The following B3GNT5 variants were observed in gnomAD, a reference collection of about 807,000 sequenced individuals.
The protein encoded by B3GNT5 is UDP-GlcNAc:betaGal beta-1,3-N-acetylglucosaminyltransferase 5, also known as lactosylceramide 1,3-N-acetyl-beta-D-glucosaminyltransferase.
In B3GNT5, 11 loss-of-function variants were observed where a neutral mutation model predicts 25.9. The observed-to-expected ratio is 0.42, with a 90% CI of 0.27 to 0.70. The LOEUF (loss-of-function observed/expected upper bound fraction) is 0.70. B3GNT5 is among the 30% of genes least tolerant of loss of function. The probability of loss-of-function intolerance (pLI) is 0.23; values close to 1 mark genes in which losing one functional copy is unlikely to be tolerated. For missense variants in B3GNT5, 385 were observed against 458.4 expected, an observed-to-expected ratio of 0.84 and a Z score of 1.46; for synonymous variants, 166 against 158.6, an observed-to-expected ratio of 1.05 and a Z score of -0.35.
chr3:183,272,604 TCAAA>T lies in B3GNT5; in HGVS notation c.*1672_*1675del. On this transcript the variant is annotated 3_prime_UTR_variant, in exon 2 of 2. Transcript: ENST00000326505. ...TTTAACTAATGTCAAAACTACAGTG[TCAAA>T]CATTCTAGGTTGTAGTTACTTTCAG... is the stretch of plus-strand genomic sequence containing the variant. 1 of 998,026 alleles carries T rather than the reference TCAAA, an allele frequency of 1.0e-6. No individual in the cohort carries two copies. The highest frequency in any genetic ancestry group is 1.2e-6 in the Non-Finnish European group (1 of 827,920). The allele number at this position is 998,026 out of a possible 1,614,324, so 61.8% of individuals were successfully genotyped here.
chr3:183,257,506 C>T (rs1047282964), intron 1 of B3GNT5, among the ~76,000 whole-genome samples: 1 of 152,042 alleles, frequency 6.6e-6, no homozygotes, highest in Non-Finnish European at 1.5e-5. Flanking sequence ...TCAGGGCTGC[C>T]CGCTGTAATG....
At position 183,272,232 on chromosome 3, in the gene B3GNT5, A is replaced by G. The variant is rs773832971; in HGVS notation, c.*1297A>G. On this transcript the variant is annotated 3_prime_UTR_variant, in exon 2 of 2. Transcript: ENST00000326505. ...ATTTATTTTACAAAGCAGGATAAAA[A>G]TGTGGCTATAATACACACTACCTCC... 4.3e-5 allele frequency: 43 copies of G among 1,000,108 alleles called. No homozygotes were observed. The highest frequency in any genetic ancestry group is 5.1e-5 in the Non-Finnish European group (42 of 829,958). 62.0% of individuals were successfully genotyped at this position (1,000,108 alleles called of 1,614,324 possible).
At chr3:183,259,301 G>C (rs1348624268) in intron 1 of B3GNT5, among the ~76,000 whole-genome samples, 7 of 152,212 alleles carry the variant, frequency 4.6e-5, no homozygotes, top group African/African-American at 1.4e-4. Context: ...AGGAGTCCTA[G>C]TGGGGTGGCA....
intron 1 of B3GNT5, among the ~76,000 whole-genome samples, chr3:183,260,157 A>G (rs1423676247): frequency 6.6e-6 from 1 of 152,042 alleles, no homozygotes; most frequent in Non-Finnish European, 1.5e-5. Flanking sequence ...TTGACATTAC[A>G]TGGTTAACTC....
At chr3:183,261,376 T>C (rs532722259) in intron 1 of B3GNT5, among the ~76,000 whole-genome samples, 15 of 152,322 alleles carry the variant, frequency 9.8e-5, no homozygotes, top group South Asian at 6.2e-4. Flanking sequence ...AGCATAAAGA[T>C]GGTACAGAAG....
chr3:183,259,244 T>A (rs540011195), intron 1 of B3GNT5, among the ~76,000 whole-genome samples: 1 of 152,330 alleles, frequency 6.6e-6, no homozygotes, highest in Admixed American at 6.5e-5. Context: ...CTAGCTTGAG[T>A]GAACGTTGTT....
Position 183,270,177 on chromosome 3 carries a change from A to G in B3GNT5, c.379A>G (p.Thr127Ala). The change falls in exon 2 of 2, where the codon ACT becomes GCT. Residue 127 changes from threonine to alanine, a missense_variant. By Grantham distance (58) the Thr-to-Ala change is moderately conservative. Coordinates refer to ENST00000326505, the MANE Select transcript of B3GNT5 (RefSeq NM_032047.5). The surrounding 1 kb of genome is among the most constrained non-coding windows in gnomAD (Gnocchi z 4.5). ...GTCTCAGCTGAATGCCAACATCAAA[A>G]CTCTGTTTGCCTTAGGAACTCCTAA... The part of the protein sequence containing the change: ...VRSQLNANIK[T>A]LFALGTPNPL... 6.2e-7 allele frequency: 1 copy of G among 1,614,108 alleles called. No individual in the cohort carries two copies. The highest frequency in any genetic ancestry group is 8.5e-7 in the Non-Finnish European group (1 of 1,180,018).
Position 183,272,662 on chromosome 3 carries a change from GT to G in B3GNT5, c.*1730del, listed in dbSNP as rs1402296957. ...AGATACAGGGTTTTAGATCATTACA[GT>G]TTAAGTTTTCTGACCAATTAAAAAA... On this transcript the variant is annotated 3_prime_UTR_variant, in exon 2 of 2. Coordinates refer to ENST00000326505, the MANE Select transcript of B3GNT5 (RefSeq NM_032047.5). The G allele has an allele frequency of 1.0e-6, 1 of 1,003,310 alleles. No homozygotes were observed. Among genetic ancestry groups the G allele is most frequent in the African/African-American group, 1.7e-5 (1 of 57,332 alleles). The allele number at this position is 1,003,310 out of a possible 1,614,324, so 62.2% of individuals were successfully genotyped here. A position where few individuals can be genotyped will look rare whatever the true frequency, so the allele number is the denominator to read the frequency against.
Position 183,253,340 on chromosome 3 carries a change from T to C in B3GNT5, c.-434T>C, listed in dbSNP as rs1443887075. The C allele has an allele frequency of 6.6e-6, 1 of 152,170 alleles. No individual in the cohort carries two copies. The highest frequency in any genetic ancestry group is 6.5e-5 in the Admixed American group (1 of 15,282). 9.4% of individuals were successfully genotyped at this position (152,170 alleles called of 1,614,324 possible). A position where few individuals can be genotyped will look rare whatever the true frequency, so the allele number is the denominator to read the frequency against. On this transcript the variant is annotated 5_prime_UTR_variant, in exon 1 of 2. Transcript: ENST00000326505. ...CCCAAGATTTAAAGCCCGCAAGTTT[T>C]GTTCTTGAGACCAGCGACTTTAGCT...
rs200010970 is a variant in B3GNT5, at chr3:183,271,629, AT to A, written c.*703del. 1,207 of 166,504 alleles carry A rather than the reference AT, an allele frequency of 7.2e-3. 20 individuals are homozygous for A. Among genetic ancestry groups the A allele is most frequent in the African/African-American group, 0.028 (1,162 of 41,396 alleles). The allele number at this position is 166,504 out of a possible 1,614,324, so 10.3% of individuals were successfully genotyped here. ...CTAATACTTTATATGTTTTTAATGG[AT>A]TTTTTTTTAAGTATTAGAAAATGAC... On this transcript the variant is annotated 3_prime_UTR_variant, in exon 2 of 2. Coordinates refer to ENST00000326505, the MANE Select transcript of B3GNT5 (RefSeq NM_032047.5).
chr3:183,270,607 A>T lies in B3GNT5; in HGVS notation c.809A>T (p.Glu270Val). The T allele has an allele frequency of 6.2e-7, 1 of 1,614,214 alleles. No homozygotes were observed. Among genetic ancestry groups the T allele is most frequent in the Non-Finnish European group, 8.5e-7 (1 of 1,180,050 alleles). ...ISGDVAAKVY[E>V]ASQTLNSSLY... ...GGTGATGTAGCTGCCAAAGTCTATG[A>T]GGCATCACAGACACTAAATTCAAGT... Residue 270 changes from glutamate to valine, a missense_variant, in exon 2 of 2, where the codon GAG becomes GTG. Coordinates refer to ENST00000326505, the MANE Select transcript of B3GNT5 (RefSeq NM_032047.5). This position sits in a 1 kb window ranked among gnomAD's most constrained non-coding sequence, Gnocchi z 4.5.
chr3:183,265,192 T>C (rs1266713642), intron 1 of B3GNT5: 1 of 152,210 alleles, frequency 6.6e-6, no homozygotes, highest in East Asian at 1.9e-4. Context: ...CAGAGTGAGG[T>C]GAGGGTTGCC....
intron 1 of B3GNT5, among the ~76,000 whole-genome samples, chr3:183,256,334 T>G (rs1466892455): frequency 6.6e-6 from 1 of 152,214 alleles, no homozygotes; most frequent in Admixed American, 6.5e-5. Context: ...AGAATTACTT[T>G]CCTTACGGTA....
rs1488326507 is a variant in B3GNT5, at chr3:183,270,849, CA to C, written c.1054del (p.Ile352TyrfsTer5). On this transcript the variant is annotated frameshift_variant, in exon 2 of 2. Transcript: ENST00000326505. LOFTEE classifies it high-confidence loss of function. This position sits in a 1 kb window ranked among gnomAD's most constrained non-coding sequence, Gnocchi z 4.5. ...AACCATTTCCAAAGGTTTTTTTGGT[CA>C]AATATACTGCAGATTAATGAAGATA... The part of the protein sequence containing the change: ...VKTISKGFFG[Q>X]IYCRLMKIIL... The C allele has an allele frequency of 6.2e-7, 1 of 1,613,390 alleles. No individual in the cohort carries two copies. The highest frequency in any genetic ancestry group is 8.5e-7 in the Non-Finnish European group (1 of 1,179,772).
intron 1 of B3GNT5, among the ~76,000 whole-genome samples, chr3:183,259,413 G>C (rs1725380396): frequency 6.6e-6 from 1 of 152,132 alleles, no homozygotes; most frequent in Non-Finnish European, 1.5e-5. Context: ...ATTGATAGGA[G>C]AACTTGTATT....
In B3GNT5 at chr3:183,270,849, C is replaced by G; in HGVS notation, c.1051C>G (p.Gln351Glu). ...VKTISKGFFG[Q>E]IYCRLMKIIL... ...AACCATTTCCAAAGGTTTTTTTGGT[C>G]AAATATACTGCAGATTAATGAAGAT... The change falls in exon 2 of 2, where the codon CAA becomes GAA. Residue 351 changes from glutamine (Q) to glutamate (E), a missense_variant. Physicochemically the swap from Gln to Glu is conservative, Grantham distance 29 (BLOSUM62 2). Transcript: ENST00000326505. The surrounding 1 kb of genome is among the most constrained non-coding windows in gnomAD (Gnocchi z 4.5). 6.2e-7 allele frequency: 1 copy of G among 1,613,390 alleles called. No individual in the cohort carries two copies. Among genetic ancestry groups the G allele is most frequent in the Non-Finnish European group, 8.5e-7 (1 of 1,179,772 alleles).
At chr3:183,262,785 G>T (rs900374775) in intron 1 of B3GNT5, among the ~76,000 whole-genome samples, 16 of 152,082 alleles carry the variant, frequency 1.1e-4, no homozygotes, top group Non-Finnish European at 1.8e-4. Flanking sequence ...AAGGGAGAAG[G>T]TTCGGGACAA....
chr3:183,264,826 G>A (rs1372347089), intron 1 of B3GNT5, among the ~76,000 whole-genome samples: 1 of 152,148 alleles, frequency 6.6e-6, no homozygotes, highest in Non-Finnish European at 1.5e-5. Context: ...GAGCTCTCTT[G>A]TGAAAGAATA....
chr3:183,254,159 G>C (rs1282727137), intron 1 of B3GNT5: 1 of 151,822 alleles, frequency 6.6e-6, no homozygotes, highest in Non-Finnish European at 1.5e-5. Flanking sequence ...GCCGAGCGAG[G>C]TCTCTGGAGG....
Sources: gnomAD v4.1 joint callset for allele counts (sites outside exome capture counted in the v4.1 genomes callset) on GRCh38, gnomAD v4.1.1 for gene constraint, Gnocchi (gnomAD v3.1) non-coding constraint, MANE v1.5 for transcripts, NCBI Gene and HGNC (gene_info 2026-07-23, HGNC 2026-07-21) for gene names.